Variants in KDM5B observed in about 807,000 individuals in gnomAD.
KDM5B encodes the protein lysine demethylase 5B, also known as lysine-specific demethylase 5B.
A neutral mutation model predicts 193.4 loss-of-function variants in KDM5B; 144 were observed. The ratio of observed to expected loss-of-function variants is 0.74; its 90% CI spans 0.65 to 0.86. KDM5B has a LOEUF of 0.86. Ranked by LOEUF, KDM5B falls within the 40% of genes least tolerant of loss-of-function variation. The pLI is 0.00. For synonymous variants in KDM5B, 668 were observed against 682.6 expected (o/e 0.98, Z 0.33); for missense variants, 1,833 against 1,886.9 (o/e 0.97, Z 0.53).
At chr1:202,783,363 G>A (rs983599974) in intron 1 of KDM5B, among the ~76,000 whole-genome samples, 97 of 152,094 alleles carry the variant, frequency 6.4e-4, no homozygotes, top group Non-Finnish European at 4.4e-5. Flanking sequence ...AAGTTAGCCA[G>A]GCATGGTGGC....
chr1:202,758,192 G>A (rs1427180078), intron 9 of KDM5B, among the ~76,000 whole-genome samples, 199 bp downstream of exon 9: 1 of 152,126 alleles, frequency 6.6e-6, no homozygotes, highest in Non-Finnish European at 1.5e-5. Flanking sequence ...TATCTTTAGA[G>A]AAATTCTAAA....
chr1:202,750,648 T>A lies in KDM5B; in HGVS notation c.1821+11A>T. 3 of 1,612,320 alleles carry A rather than the reference T, an allele frequency of 1.9e-6. No individual in the cohort carries two copies. The highest frequency in any genetic ancestry group is 2.5e-6 in the Non-Finnish European group (3 of 1,179,138). On this transcript the variant is annotated intron_variant, in intron 13 of 26. Transcript: ENST00000367265. ...AAATTTGAAAAGGTTAACTACATTGTAATTACATACCCAATCAACAGTGCA... is the reference window on the plus strand; with the variant it reads ...AAATTTGAAAAGGTTAACTACATTGAAATTACATACCCAATCAACAGTGCA...
Position 202,769,475 on chromosome 1 carries a change from G to C in KDM5B, c.577-2415C>G, listed in dbSNP as rs1572747123. Reference sequence around the variant, plus strand: ...ACTTGAGGTCAGGAGTTCGAAACCAGCTTGGCCAACATACTGAAACCCCGT... The same window carrying C: ...ACTTGAGGTCAGGAGTTCGAAACCACCTTGGCCAACATACTGAAACCCCGT... On this transcript the variant is annotated intron_variant, in intron 4 of 26. Transcript: ENST00000367265. 3.3e-5 allele frequency among the ~76,000 whole-genome samples: 5 copies of C among 151,342 alleles called. No homozygotes were observed. In the South Asian group the frequency reaches 1.0e-3, roughly 31 times the overall value.
At chr1:202,742,292 TATTA>T (rs1655375046) in intron 18 of KDM5B, 95 bp downstream of exon 18, 1 of 791,172 alleles carries the variant, frequency 1.3e-6, no homozygotes, top group Non-Finnish European at 2.1e-6. Flanking sequence ...TAAATGTACA[TATTA>T]ATCATCAAAG....
chr1:202,807,776 C>T (rs1658367134), intron 1 of KDM5B, among the ~76,000 whole-genome samples: 1 of 151,850 alleles, frequency 6.6e-6, no homozygotes, highest in African/African-American at 2.4e-5. Flanking sequence ...AGGAAACTCC[C>T]CCGCGACCAC....
chr1:202,799,405 G>C (rs1657984373), intron 1 of KDM5B, among the ~76,000 whole-genome samples: 2 of 152,206 alleles, frequency 1.3e-5, no homozygotes, highest in Non-Finnish European at 2.9e-5. Context: ...TGTAATCCCA[G>C]CACTTTGGGA....
intron 9 of KDM5B, among the ~76,000 whole-genome samples, chr1:202,757,483 T>G (rs1656069002): frequency 6.6e-6 from 1 of 152,214 alleles, no homozygotes; most frequent in East Asian, 1.9e-4. Context: ...TCATCTAATA[T>G]TCTGTCAAAA....
chr1:202,744,429 G>A (rs764782626), intron 16 of KDM5B, among the ~76,000 whole-genome samples: 2 of 152,126 alleles, frequency 1.3e-5, no homozygotes, highest in Non-Finnish European at 2.9e-5. Context: ...ATGTTGGCAC[G>A]TGCCTGTAGT....
rs925721351 is a variant in KDM5B at position 202,727,949 on chromosome 1, C to T, written c.*1087G>A. The T allele has an allele frequency of 1.3e-5, 2 of 152,606 alleles. No homozygotes were observed. Among genetic ancestry groups the T allele is most frequent in the South Asian group, 2.1e-4 (1 of 4,824 alleles). 9.5% of individuals were successfully genotyped at this position (152,606 alleles called of 1,614,324 possible). A position where few individuals can be genotyped will look rare whatever the true frequency, so the allele number is the denominator to read the frequency against. On this transcript the variant is annotated 3_prime_UTR_variant, in exon 27 of 27. Transcript: ENST00000367265. ...TGAGAAAGCTTATTTTAAAAGAGCA[C>T]GGCTTTAAAGATAGGTTCTAGTCCT... is the stretch of plus-strand genomic sequence containing the variant.
chr1:202,768,297 A>G (rs557358618), intron 4 of KDM5B, among the ~76,000 whole-genome samples: 3 of 152,342 alleles, frequency 2.0e-5, no homozygotes, highest in Admixed American at 6.5e-5. Flanking sequence ...CTACTTTTTC[A>G]TAACAGGACC....
intron 1 of KDM5B, among the ~76,000 whole-genome samples, chr1:202,802,124 G>C (rs1395814237): frequency 1.3e-5 from 2 of 152,146 alleles, no homozygotes; most frequent in Non-Finnish European, 2.9e-5. Flanking sequence ...TCCTAGGTTA[G>C]TAGTTTTTCA....
chr1:202,783,340 C>T (rs1657274208), intron 1 of KDM5B, among the ~76,000 whole-genome samples: 1 of 146,888 alleles, frequency 6.8e-6, no homozygotes, highest in East Asian at 2.0e-4. Context: ...TCTGTCTCTA[C>T]AAAAAAAAAA....
At position 202,746,281 on chromosome 1, in the gene KDM5B, C is replaced by A; in HGVS notation, c.2059G>T (p.Asp687Tyr). 1 of 1,612,782 alleles carries A rather than the reference C, an allele frequency of 6.2e-7. No homozygotes were observed. The stretch of plus-strand genomic sequence containing the variant: ...CATTTTACACACTGACGTTCATCAT[C>A]TGGCAACAGCTCAAAATCCATTCTT... ...SERMDFELLP[D>Y]DERQCVKCKT... is the part of the protein sequence containing the mutation. The change falls in exon 15 of 27, where the codon GAT becomes TAT. Residue 687 changes from aspartate to tyrosine, a missense_variant. This residue lies in a region of KDM5B where 1,379 missense variants were observed against 1,349.6 expected (regional missense o/e 1.02). Transcript: ENST00000367265.
intron 4 of KDM5B, among the ~76,000 whole-genome samples, chr1:202,772,799 C>T (rs1214228232): frequency 2.0e-5 from 3 of 151,918 alleles, no homozygotes; most frequent in East Asian, 1.9e-4. Flanking sequence ...CGGGTTCAAG[C>T]GGTTCTCCTG....
At chr1:202,795,855 G>A (rs1173710776) in intron 1 of KDM5B, among the ~76,000 whole-genome samples, 1 of 151,830 alleles carries the variant, frequency 6.6e-6, no homozygotes, top group Non-Finnish European at 1.5e-5. Context: ...GTAAAATACA[G>A]GGAGTCAGTC....
intron 1 of KDM5B, among the ~76,000 whole-genome samples, chr1:202,783,832 G>A (rs933282939): frequency 2.6e-5 from 4 of 151,946 alleles, no homozygotes; most frequent in Admixed American, 6.6e-5. Context: ...AGTGAGCCAA[G>A]ATCACACCAC....
Position 202,741,467 on chromosome 1 carries a change from C to A in KDM5B, c.2845G>T (p.Ala949Ser). 1 of 1,614,006 alleles carries A rather than the reference C, an allele frequency of 6.2e-7. No individual in the cohort carries two copies. Among genetic ancestry groups the A allele is most frequent in the African/African-American group, 1.3e-5 (1 of 75,048 alleles). The stretch of plus-strand genomic sequence containing the variant: ...GCTTTCTCCACTGCTGAATACGGGG[C>A]CAGCCCTACCCCTAGGTCTATGAGA... ...RRLIDLGVGL[A>S]PYSAVEKAMA... Residue 949 changes from alanine (A) to serine (S), a missense_variant, in exon 19 of 27, where the codon GCC becomes TCC. By Grantham distance (99) the Ala-to-Ser change is moderately conservative. Coordinates refer to ENST00000367265, the MANE Select transcript of KDM5B (RefSeq NM_006618.5).
At chr1:202,757,403 T>C (rs993623522) in intron 9 of KDM5B, among the ~76,000 whole-genome samples, 4 of 152,346 alleles carry the variant, frequency 2.6e-5, no homozygotes, top group East Asian at 3.9e-4. Flanking sequence ...CCAGACTAAA[T>C]GTCAATCTGT....
intron 1 of KDM5B, among the ~76,000 whole-genome samples, chr1:202,795,449 T>C (rs1287838708): frequency 1.3e-5 from 2 of 151,644 alleles, no homozygotes; most frequent in African/African-American, 2.4e-5. Context: ...GTCAGGAGTT[T>C]GAGACCAGCC....
Sources: gnomAD v4.1 joint callset for allele counts (sites outside exome capture counted in the v4.1 genomes callset) on GRCh38, gnomAD v4.1.1 for gene constraint, gnomAD v4.1.1 regional missense constraint, MANE v1.5 for transcripts, NCBI Gene and HGNC (gene_info 2026-07-23, HGNC 2026-07-21) for gene names.